The following TMEM132B variants were observed in gnomAD, a reference collection of about 807,000 sequenced individuals.
TMEM132B encodes the protein transmembrane protein 132B.
TMEM132B carries 18 observed loss-of-function variants against 90.8 expected under a neutral mutation model. That is an observed-to-expected ratio of 0.20 (90% CI 0.14 to 0.29). The LOEUF is 0.29. Ranked by LOEUF, TMEM132B falls within the 10% of genes least tolerant of loss-of-function variation. The pLI is 1.00. For synonymous variants in TMEM132B, 504 were observed against 523.3 expected, an observed-to-expected ratio of 0.96 and a Z score of 0.50; for missense variants, 1,096 against 1,326.8, an observed-to-expected ratio of 0.83 and a Z score of 2.70.
intron 1 of TMEM132B, among the ~76,000 whole-genome samples, chr12:125,325,049 T>G (rs1208046307): frequency 1.3e-5 from 2 of 149,152 alleles, no homozygotes; most frequent in East Asian, 4.5e-4. Flanking sequence ...TTGTTTCCAC[T>G]GAGATAGCTG....
intron 2 of TMEM132B, among the ~76,000 whole-genome samples, chr12:125,390,302 AC>A (rs1427915969): frequency 4.6e-5 from 7 of 152,242 alleles, no homozygotes; most frequent in African/African-American, 1.7e-4. Flanking sequence ...AAAACAAACT[AC>A]TGCTATATGC....
intron 4 of TMEM132B, among the ~76,000 whole-genome samples, chr12:125,561,496 T>C (rs1012746922): frequency 6.6e-6 from 1 of 152,140 alleles, no homozygotes; most frequent in South Asian, 2.1e-4. Flanking sequence ...GTTCTGCACA[T>C]GTATCCCAGA....
chr12:125,581,805 T>C (rs1310488974), intron 4 of TMEM132B, among the ~76,000 whole-genome samples: 2 of 152,086 alleles, frequency 1.3e-5, no homozygotes, highest in Admixed American at 6.6e-5. Context: ...TTCATGAGAT[T>C]ACTCCCACTT....
intron 4 of TMEM132B, among the ~76,000 whole-genome samples, chr12:125,545,707 A>G (rs1333443506): frequency 2.0e-5 from 3 of 152,204 alleles, no homozygotes; most frequent in Admixed American, 1.3e-4. Context: ...TCTTGCCACC[A>G]TGAAGGGAGA....
At chr12:125,240,766 T>C (rs1874045017) in intron 1 of TMEM132B, among the ~76,000 whole-genome samples, 1 of 152,202 alleles carries the variant, frequency 6.6e-6, no homozygotes, top group Admixed American at 6.5e-5. Context: ...AGTTTTGTGT[T>C]CACGGAGCTC....
chr12:125,502,149 TCCTCTG>T (rs946189843), intron 3 of TMEM132B, among the ~76,000 whole-genome samples: 4 of 152,212 alleles, frequency 2.6e-5, no homozygotes, highest in Non-Finnish European at 4.4e-5. Flanking sequence ...CTGATCCTTG[TCCTCTG>T]CCACTGAAAT....
At chr12:125,412,559 C>T (rs975548081) in intron 2 of TMEM132B, among the ~76,000 whole-genome samples, 3 of 152,138 alleles carry the variant, frequency 2.0e-5, no homozygotes, top group East Asian at 1.9e-4. Flanking sequence ...TTCAGCCGGT[C>T]GTGCGCTATC....
intron 1 of TMEM132B, among the ~76,000 whole-genome samples, chr12:125,254,443 AAGC>A (rs1874385325): frequency 1.3e-5 from 2 of 152,244 alleles, no homozygotes; most frequent in East Asian, 1.9e-4. Flanking sequence ...AGACTTCAGG[AAGC>A]AGCAGCAGAT....
chr12:125,299,568 C>G (rs140146035), intron 1 of TMEM132B, among the ~76,000 whole-genome samples: 9 of 152,344 alleles, frequency 5.9e-5, no homozygotes, highest in Non-Finnish European at 1.2e-4. Context: ...CAGGAGCCAC[C>G]TCTAGCCCCA....
chr12:125,477,221 C>CT (rs1232129706), intron 3 of TMEM132B, among the ~76,000 whole-genome samples: 1 of 151,830 alleles, frequency 6.6e-6, no homozygotes, highest in Non-Finnish European at 1.5e-5. Flanking sequence ...TATATATTCC[C>CT]TTTTTTAAGA....
chr12:125,559,880 G>A (rs920711574), intron 4 of TMEM132B, among the ~76,000 whole-genome samples: 2 of 152,232 alleles, frequency 1.3e-5, no homozygotes, highest in East Asian at 1.9e-4. Flanking sequence ...TCCTTGTTCC[G>A]AGTCCACCTG....
intron 1 of TMEM132B, among the ~76,000 whole-genome samples, chr12:125,201,844 G>A (rs577495096): frequency 2.6e-5 from 4 of 152,056 alleles, no homozygotes; most frequent in African/African-American, 7.2e-5. Flanking sequence ...TTTGCCAGTC[G>A]GTGAGTTCAG....
chr12:125,471,727 T>C (rs1881727898), intron 3 of TMEM132B, among the ~76,000 whole-genome samples: 1 of 152,232 alleles, frequency 6.6e-6, no homozygotes, highest in Non-Finnish European at 1.5e-5. Flanking sequence ...ACCTGAGAGT[T>C]GACATTTCCA....
chr12:125,224,990 G>A (rs1453495244), intron 1 of TMEM132B, among the ~76,000 whole-genome samples: 1 of 152,220 alleles, frequency 6.6e-6, no homozygotes, highest in Non-Finnish European at 1.5e-5. Context: ...TATCCTAGGA[G>A]ATGTAGACCT....
chr12:125,236,650 G>A (rs1246933707), intron 1 of TMEM132B, among the ~76,000 whole-genome samples: 1 of 152,198 alleles, frequency 6.6e-6, no homozygotes, highest in East Asian at 1.9e-4. Context: ...CTGGGACAGA[G>A]TCCTGGTTCC....
Position 125,350,014 on chromosome 12 carries a change from G to A in TMEM132B, c.630G>A (p.Glu210=). ...SSGLDLEPEE[E]IPALLGGTTM... ...GCCTGGACCTGGAACCAGAGGAGGA[G>A]ATCCCAGCCCTGCTCGGGGGCACCA... Residue 210 remains glutamate (E), a synonymous_variant, in exon 2 of 9, where the codon GAG becomes GAA. Transcript: ENST00000682704. The A allele has an allele frequency of 6.2e-7, 1 of 1,614,226 alleles. No individual in the cohort carries two copies. Among genetic ancestry groups the A allele is most frequent in the South Asian group, 1.1e-5 (1 of 91,088 alleles).
At chr12:125,307,764 C>T (rs926866775) in intron 1 of TMEM132B, among the ~76,000 whole-genome samples, 212 of 8,992 alleles carry the variant, frequency 0.024, no homozygotes, top group African/African-American at 0.053. Flanking sequence ...ACTTATATTG[C>T]AAGTATATAT....
chr12:125,515,206 AAAC>A (rs1233008360), intron 3 of TMEM132B, among the ~76,000 whole-genome samples: 1 of 140,226 alleles, frequency 7.1e-6, no homozygotes, highest in East Asian at 2.7e-4. Flanking sequence ...ATGCACACTC[AAAC>A]ACACACGTTC....
chr12:125,551,906 A>G (rs1283608777), intron 4 of TMEM132B, among the ~76,000 whole-genome samples: 1 of 152,124 alleles, frequency 6.6e-6, no homozygotes, highest in Non-Finnish European at 1.5e-5. Flanking sequence ...GGAGAAGCAG[A>G]AACACATGTG....
Sources: allele counts gnomAD v4.1 joint callset (sites outside exome capture counted in the v4.1 genomes callset), GRCh38; gene constraint gnomAD v4.1.1; transcripts MANE v1.5; gene names NCBI Gene and HGNC (gene_info 2026-07-23, HGNC 2026-07-21).